EME2: variants seen among roughly 807,000 people sequenced by gnomAD.
EME2 encodes structure-specific endonuclease subunit EME2.
EME2 carries 58 observed loss-of-function variants against 41.9 expected under a neutral mutation model. The ratio of observed to expected loss-of-function variants is 1.38; its 90% CI spans 1.12 to 1.72. EME2 has a LOEUF of 1.72. Among genes scored for constraint, EME2 ranks in the 40% most tolerant of loss-of-function variants. The pLI is 0.00. For missense variants in EME2, 695 were observed against 541.9 expected (o/e 1.28, Z -2.81); for synonymous variants, 334 against 239.3 (o/e 1.40, Z -3.65).
Position 1,781,548 on chromosome 16 carries a change from C to G in EME2, c.*5310C>G. The G allele has an allele frequency of 6.4e-7, 1 of 1,571,680 alleles. No homozygotes were observed. Among genetic ancestry groups the G allele is most frequent in the Non-Finnish European group, 8.6e-7 (1 of 1,156,372 alleles). On this transcript the variant is annotated 3_prime_UTR_variant, in exon 8 of 8. Coordinates refer to ENST00000568449, the MANE Select transcript of EME2 (RefSeq NM_001257370.2). Reference sequence around the variant, plus strand: ...AGGAAGACTCACAGCACTCCCAGCCCTGAGCTTCCAGGCTGGGCCACGGAC... The same window carrying G: ...AGGAAGACTCACAGCACTCCCAGCCGTGAGCTTCCAGGCTGGGCCACGGAC...
Position 1,776,115 on chromosome 16 carries a change from C to T in EME2, c.1017C>T (p.Ala339=), listed in dbSNP as rs750409117. The change falls in exon 8 of 8, where the codon GCC becomes GCT. Residue 339 remains alanine (A), a synonymous_variant. Transcript: ENST00000568449. ...AGCGGGAGCGCATGGGCCTCCTGGC[C>T]GACCTTCCTGTGCCGCCCAGTGAAG... ...STERERMGLL[A]DLPVPPSEGG... 4.0e-5 allele frequency: 64 copies of T among 1,611,612 alleles called. No individual in the cohort carries two copies. The highest frequency in any genetic ancestry group is 1.8e-4 in the East Asian group (8 of 44,890).
At position 1,781,324 on chromosome 16, in the gene EME2, G is replaced by A. The variant is rs1425702437; in HGVS notation, c.*5086G>A. 6 of 1,612,666 alleles carry A rather than the reference G, an allele frequency of 3.7e-6. No individual in the cohort carries two copies. In the African/African-American group the frequency reaches 8.0e-5, roughly 22 times the overall value. On this transcript the variant is annotated 3_prime_UTR_variant, in exon 8 of 8. Transcript: ENST00000568449. Reference sequence around the variant, plus strand: ...TGCCTAGGGCATCTCCACACCTTAGGCCAGCCACGTCCGCCTCGCCCGCTG... The same window carrying A: ...TGCCTAGGGCATCTCCACACCTTAGACCAGCCACGTCCGCCTCGCCCGCTG...
In EME2 at chr16:1,775,638, C is replaced by T. The variant is rs200162380; in HGVS notation, c.733C>T (p.Arg245Trp). 1.0e-4 allele frequency: 163 copies of T among 1,612,796 alleles called. No individual in the cohort carries two copies. Among genetic ancestry groups the T allele is most frequent in the Non-Finnish European group, 1.3e-4 (155 of 1,180,040 alleles). ...LLVASWQELSRHVCAVTKALA... is the reference protein window; with the variant it reads ...LLVASWQELSWHVCAVTKALA... ...GGTGGCCTCTTGGCAGGAGCTGAGT[C>T]GGCACGTGTGCGCCGTTACCAAGGC... is the stretch of plus-strand genomic sequence containing the variant. Residue 245 changes from arginine (R) to tryptophan (W), a missense_variant, in exon 6 of 8, where the codon CGG becomes TGG. Arg to Trp is a moderately radical substitution (Grantham distance 101, BLOSUM62 -3). Transcript: ENST00000568449.
At position 1,778,791 on chromosome 16, in the gene EME2, C is replaced by G. The variant is rs2042752801; in HGVS notation, c.*2553C>G. 1.6e-6 allele frequency: 1 copy of G among 620,770 alleles called. No individual in the cohort carries two copies. Among genetic ancestry groups the G allele is most frequent in the Admixed American group, 3.6e-5 (1 of 27,862 alleles). The allele number at this position is 620,770 out of a possible 1,614,324, so 38.5% of individuals were successfully genotyped here. On this transcript the variant is annotated 3_prime_UTR_variant, in exon 8 of 8. Coordinates refer to ENST00000568449, the MANE Select transcript of EME2 (RefSeq NM_001257370.2). ...CAGGCTCCCTCCCAACGGGCTCCGG[C>G]TCTGCCCCATTCTGCATGACCAGGA...
In EME2 at chr16:1,773,118, ATGGCGGGTCCGCGT is replaced by A; in HGVS notation, c.-109_-96del. On this transcript the variant is annotated 5_prime_UTR_variant, in exon 1 of 8. An upstream start codon of the reference 5' UTR is lost. Coordinates refer to ENST00000568449, the MANE Select transcript of EME2 (RefSeq NM_001257370.2). Reference sequence around the variant, plus strand: ...CCGCGGACGCACCTTCTTCCGCGCCATGGCGGGTCCGCGTCCTCAGCGGTCCGGCCGGAAGTCAC... The same window carrying A: ...CCGCGGACGCACCTTCTTCCGCGCCACCTCAGCGGTCCGGCCGGAAGTCAC... 1 of 1,391,740 alleles carries A rather than the reference ATGGCGGGTCCGCGT, an allele frequency of 7.2e-7. No individual in the cohort carries two copies. The highest frequency in any genetic ancestry group is 9.3e-7 in the Non-Finnish European group (1 of 1,078,100). The allele number at this position is 1,391,740 out of a possible 1,614,324, so 86.2% of individuals were successfully genotyped here. A position where few individuals can be genotyped will look rare whatever the true frequency, so the allele number is the denominator to read the frequency against.
At chr16:1,774,920 C>G (rs545637349) in intron 3 of EME2, 121 bp from the exon 4 acceptor site, 1 of 793,036 alleles carries the variant, frequency 1.3e-6, no homozygotes, top group Non-Finnish European at 2.1e-6. Context: ...ACAGAGGCTC[C>G]TCTCGGCACC....
At position 1,775,902 on chromosome 16, in the gene EME2, G is replaced by T. The variant is rs202056564; in HGVS notation, c.885G>T (p.Arg295Ser). The T allele has an allele frequency of 1.4e-4, 231 of 1,612,434 alleles. No individual in the cohort carries two copies. The highest frequency in any genetic ancestry group is 1.6e-4 in the Middle Eastern group (1 of 6,062). ...DGAGLQAAWR[R>S]QIRQFSRVSP... is the part of the protein sequence containing the mutation. Reference sequence around the variant, plus strand: ...CAGGGCTGCAGGCGGCCTGGCGGAGGCAGATCAGGCAGTTCAGTCGGGTCA... The same window carrying T: ...CAGGGCTGCAGGCGGCCTGGCGGAGTCAGATCAGGCAGTTCAGTCGGGTCA... The change falls in exon 7 of 8, where the codon AGG becomes AGT. Residue 295 changes from arginine to serine, a missense_variant. Transcript: ENST00000568449.
rs1278611398 is a variant in EME2 at position 1,777,822 on chromosome 16, G to A, written c.*1584G>A. The A allele has an allele frequency of 6.2e-7, 1 of 1,612,886 alleles. No homozygotes were observed. Among genetic ancestry groups the A allele is most frequent in the Non-Finnish European group, 8.5e-7 (1 of 1,179,882 alleles). ...AGGTGCACGCCAATGATGGAGCCCT[G>A]GCCGAACCGCGATGAGAAGCTGGTC... is the stretch of plus-strand genomic sequence containing the variant. On this transcript the variant is annotated 3_prime_UTR_variant, in exon 8 of 8. Transcript: ENST00000568449.
In EME2 at chr16:1,776,198, C is replaced by T. The variant is rs1221833317; in HGVS notation, c.1100C>T (p.Thr367Ile). The T allele has an allele frequency of 3.1e-6, 5 of 1,612,514 alleles. No homozygotes were observed. In the Admixed American group the frequency reaches 8.3e-5, roughly 27 times the overall value. The part of the protein sequence containing the change: ...DLSRRICLFL[T>I]TANPDLLLDL... ...TCCCGCCGCATCTGCCTCTTCCTGA[C>T]CACAGCCAACCCTGATCTCCTGCTG... Residue 367 changes from threonine (T) to isoleucine (I), a missense_variant, in exon 8 of 8, where the codon ACC (threonine) becomes ATC (isoleucine). Thr to Ile is a moderately conservative substitution (Grantham distance 89). Coordinates refer to ENST00000568449, the MANE Select transcript of EME2 (RefSeq NM_001257370.2).
In EME2 at chr16:1,777,553, G is replaced by A; in HGVS notation, c.*1315G>A. Reference sequence around the variant, plus strand: ...ACCCGGGTGGGCAGCTGGCACAGCTGAGGCAAGGCAGGGTGCACGCGCTGG... The same window carrying A: ...ACCCGGGTGGGCAGCTGGCACAGCTAAGGCAAGGCAGGGTGCACGCGCTGG... On this transcript the variant is annotated 3_prime_UTR_variant, in exon 8 of 8. Coordinates refer to ENST00000568449, the MANE Select transcript of EME2 (RefSeq NM_001257370.2). The A allele has an allele frequency of 1.5e-6, 2 of 1,363,652 alleles. No individual in the cohort carries two copies. Among genetic ancestry groups the A allele is most frequent in the Non-Finnish European group, 1.9e-6 (2 of 1,028,190 alleles). The allele number at this position is 1,363,652 out of a possible 1,614,324, so 84.5% of individuals were successfully genotyped here.
intron 5 of EME2, 40 bp from the exon 6 acceptor site, chr16:1,775,529 C>T (rs764870734): frequency 1.6e-5 from 25 of 1,606,626 alleles, no homozygotes; most frequent in Non-Finnish European, 2.0e-5. Flanking sequence ...CCCGGGTAGC[C>T]TTCCTCTGGC....
rs370392578 is a variant in EME2 at position 1,776,126 on chromosome 16, T to G, written c.1028T>G (p.Val343Gly). ...ERMGLLADLP[V>G]PPSEGGRPRR... ...ATGGGCCTCCTGGCCGACCTTCCTGTGCCGCCCAGTGAAGGCGGGCGTCCC... is the reference window on the plus strand; with the variant it reads ...ATGGGCCTCCTGGCCGACCTTCCTGGGCCGCCCAGTGAAGGCGGGCGTCCC... The change falls in exon 8 of 8, where the codon GTG becomes GGG. Residue 343 changes from valine to glycine, a missense_variant. Physicochemically the swap from Val to Gly is moderately radical, Grantham distance 109. Coordinates refer to ENST00000568449, the MANE Select transcript of EME2 (RefSeq NM_001257370.2). The G allele has an allele frequency of 1.2e-5, 20 of 1,611,988 alleles. No homozygotes were observed. The African/African-American group carries it at 2.4e-4, about 19-fold the overall frequency.
rs1162091014 is a variant in EME2, at chr16:1,780,151, CAG to C, written c.*3916_*3917del. On this transcript the variant is annotated 3_prime_UTR_variant, in exon 8 of 8. Transcript: ENST00000568449. ...CCCGGAAGGACACGGCCCATGGTGA[CAG>C]AGGACAAGCAGCATGCGTGTGTCAG... The C allele has an allele frequency of 2.0e-5, 3 of 152,320 alleles. No individual in the cohort carries two copies. Among genetic ancestry groups the C allele is most frequent in the African/African-American group, 7.2e-5 (3 of 41,402 alleles). The allele number at this position is 152,320 out of a possible 1,614,324, so 9.4% of individuals were successfully genotyped here.
At chr16:1,774,511 G>A (rs538703773) in intron 3 of EME2, among the ~76,000 whole-genome samples, 159 bp downstream of exon 3, 5 of 152,368 alleles carry the variant, frequency 3.3e-5, no homozygotes, top group African/African-American at 1.2e-4. Flanking sequence ...AGGTTTCTAG[G>A]GTGAGATGGA....
chr16:1,780,943 G>A lies in EME2; in HGVS notation c.*4705G>A. On this transcript the variant is annotated 3_prime_UTR_variant, in exon 8 of 8. Coordinates refer to ENST00000568449, the MANE Select transcript of EME2 (RefSeq NM_001257370.2). The stretch of plus-strand genomic sequence containing the variant: ...AGACAGTGTTTCACCATGTTGCCCA[G>A]GCAGGTCTCAAACTCCTGGGCTCAA... 2 of 345,068 alleles carry A rather than the reference G, an allele frequency of 5.8e-6. No homozygotes were observed. Among genetic ancestry groups the A allele is most frequent in the Non-Finnish European group, 5.6e-6 (1 of 177,006 alleles). 21.4% of individuals were successfully genotyped at this position (345,068 alleles called of 1,614,324 possible).
rs1896683077 is a variant in EME2 at position 1,780,870 on chromosome 16, C to G, written c.*4632C>G. ...AGCTCAGCCTCCTGAGTCGTTGGGA[C>G]TACAGGCACGTGCCACCACGCCTGA... On this transcript the variant is annotated 3_prime_UTR_variant, in exon 8 of 8. Transcript: ENST00000568449. The G allele has an allele frequency of 3.4e-5, 11 of 328,344 alleles. No homozygotes were observed. Among genetic ancestry groups the G allele is most frequent in the South Asian group, 2.7e-4 (11 of 41,120 alleles). The allele number at this position is 328,344 out of a possible 1,614,324, so 20.3% of individuals were successfully genotyped here.
At chr16:1,773,890 C>T (rs2042670153) in intron 2 of EME2, 49 bp downstream of exon 2, 2 of 1,500,040 alleles carry the variant, frequency 1.3e-6, no homozygotes, top group South Asian at 2.6e-5. Context: ...GGCTGTTTTG[C>T]TTCCATGATT....
chr16:1,777,643 GA>G lies in EME2; in HGVS notation c.*1406del, dbSNP rs139170372. 1.5e-3 allele frequency: 2,284 copies of G among 1,541,346 alleles called. 3 individuals carry two copies. The highest frequency in any genetic ancestry group is 1.9e-3 in the Non-Finnish European group (2,204 of 1,142,650). On this transcript the variant is annotated 3_prime_UTR_variant, in exon 8 of 8. Transcript: ENST00000568449. ...GGACCCTGGGGCCTCAGGCTTCTGGGAGGAACCCTTTCAGAAAACCTCAGTG... is the reference window on the plus strand; with the variant it reads ...GGACCCTGGGGCCTCAGGCTTCTGGGGGAACCCTTTCAGAAAACCTCAGTG...
intron 2 of EME2, among the ~76,000 whole-genome samples, 186 bp downstream of exon 2, chr16:1,774,027 C>T (rs1329789510): frequency 1.3e-5 from 2 of 152,244 alleles, no homozygotes; most frequent in African/African-American, 4.8e-5. Flanking sequence ...GCCGAGCTGG[C>T]TGGAGAAGGT....
Sources: allele counts gnomAD v4.1 joint callset (sites outside exome capture counted in the v4.1 genomes callset), GRCh38; gene constraint gnomAD v4.1.1; transcripts MANE v1.5; gene names NCBI Gene and HGNC (gene_info 2026-07-23, HGNC 2026-07-21).